The following CNGB3 variants were observed in gnomAD, a reference collection of about 807,000 sequenced individuals.
CNGB3 encodes cyclic nucleotide gated channel subunit beta 3.
A neutral mutation model predicts 92.8 loss-of-function variants in CNGB3; 86 were observed. The ratio of observed to expected loss-of-function variants is 0.93; its 90% CI spans 0.78 to 1.11. The LOEUF (loss-of-function observed/expected upper bound fraction) is 1.11, where lower values mean the gene tolerates loss of function less well. Among genes scored for constraint, CNGB3 ranks in the 50% least tolerant of loss-of-function variants. The pLI, the probability that CNGB3 is intolerant of heterozygous loss-of-function variation, is 0.00. For synonymous variants in CNGB3, 333 were observed against 332.7 expected, an observed-to-expected ratio of 1.00 and a Z score of -0.01; for missense variants, 1,026 against 956.8, an observed-to-expected ratio of 1.07 and a Z score of -0.95.
At chr8:86,623,341 G>A (rs568835080) in intron 13 of CNGB3, among the ~76,000 whole-genome samples, 1 of 152,298 alleles carries the variant, frequency 6.6e-6, no homozygotes, top group African/African-American at 2.4e-5. Context: ...CACAGACTGG[G>A]TAATTTATAA....
At chr8:86,586,457 C>G (rs4022375) in intron 15 of CNGB3, among the ~76,000 whole-genome samples, 124,649 of 143,666 alleles carry the variant, frequency 0.87, 54,293 homozygotes, top group Non-Finnish European at 0.9. Context: ...TCTAGCATTA[C>G]GTATATCTCC....
chr8:86,609,250 T>C (rs1241041205), intron 14 of CNGB3, among the ~76,000 whole-genome samples: 1 of 152,232 alleles, frequency 6.6e-6, no homozygotes, highest in Non-Finnish European at 1.5e-5. Context: ...CTGTTGCTAC[T>C]GGCCCCAAAT....
chr8:86,647,070 T>C (rs1823303118), intron 8 of CNGB3, among the ~76,000 whole-genome samples: 2 of 151,156 alleles, frequency 1.3e-5, no homozygotes, highest in Admixed American at 1.3e-4. Flanking sequence ...TTTTTCCTTT[T>C]CTGTTATACA....
At chr8:86,648,024 ACT>A (rs972738506) in intron 7 of CNGB3, 137 bp from the exon 8 acceptor site, 2 of 708,724 alleles carry the variant, frequency 2.8e-6, no homozygotes, top group African/African-American at 3.5e-5. Flanking sequence ...CTTTCAATTA[ACT>A]ATGCATGGGG....
intron 2 of CNGB3, among the ~76,000 whole-genome samples, chr8:86,738,712 A>C (rs1160588839): frequency 6.6e-6 from 1 of 151,976 alleles, no homozygotes; most frequent in Non-Finnish European, 1.5e-5. Context: ...GGTGGTGTGC[A>C]CCTGTAGTCC....
At chr8:86,605,790 G>T (rs1422371960) in intron 14 of CNGB3, among the ~76,000 whole-genome samples, 1 of 152,122 alleles carries the variant, frequency 6.6e-6, no homozygotes, top group Non-Finnish European at 1.5e-5. Context: ...AGATTCTAAA[G>T]TCTTTCCTTA....
intron 11 of CNGB3, among the ~76,000 whole-genome samples, chr8:86,632,198 C>CAA (rs71275869): frequency 0.074 from 5,201 of 70,150 alleles, 204 homozygotes; most frequent in African/African-American, 0.11. Context: ...GACCCTGTCT[C>CAA]AAAAAAAAAA....
At chr8:86,646,017 T>A (rs565327454) in intron 8 of CNGB3, among the ~76,000 whole-genome samples, 2 of 151,266 alleles carry the variant, frequency 1.3e-5, no homozygotes, top group African/African-American at 4.8e-5. Context: ...TATTTAAACA[T>A]CTAATGGATA....
At chr8:86,672,031 A>G (rs1390810121) in intron 3 of CNGB3, among the ~76,000 whole-genome samples, 1 of 152,176 alleles carries the variant, frequency 6.6e-6, no homozygotes, top group African/African-American at 2.4e-5. Context: ...TCACTTAAGT[A>G]TGTGGTAATT....
rs75557431 is a variant in CNGB3, at chr8:86,676,491, T to C, written c.339-5393A>G. The stretch of plus-strand genomic sequence containing the variant: ...GTCAGTTGAGGTTGATGGGGAACCA[T>C]GGCAGAATTCTAAGCAGAAGAGGGA... On this transcript the variant is annotated intron_variant, in intron 3 of 17. Transcript: ENST00000320005. Among the ~76,000 whole-genome samples, 738 of 152,266 alleles carry C rather than the reference T, an allele frequency of 4.8e-3. 7 individuals carry two copies. Among genetic ancestry groups the C allele is most frequent in the African/African-American group, 0.017 (702 of 41,556 alleles).
At chr8:86,607,788 C>A (rs1193528123) in intron 14 of CNGB3, among the ~76,000 whole-genome samples, 1 of 152,170 alleles carries the variant, frequency 6.6e-6, no homozygotes, top group Non-Finnish European at 1.5e-5. Flanking sequence ...AGTAGGTCAG[C>A]AAACTTGGCC....
At position 86,584,776 on chromosome 8, in the gene CNGB3, G is replaced by T. The variant is rs1821861016; in HGVS notation, c.1782-5524C>A. Among the ~76,000 whole-genome samples the T allele has an allele frequency of 2.0e-5, 3 of 152,078 alleles. No individual in the cohort carries two copies. The South Asian group carries it at 6.2e-4, about 32-fold the overall frequency. ...CAATGGACCAGGAAACAAAGAAATG[G>T]TTCTAATCCTAGAGCCACCTCTATT... On this transcript the variant is annotated intron_variant, in intron 15 of 17. Coordinates refer to ENST00000320005, the MANE Select transcript of CNGB3 (RefSeq NM_019098.5).
intron 15 of CNGB3, chr8:86,594,480 G>T (rs1029393659): frequency 1.0e-5 from 3 of 294,140 alleles, no homozygotes; most frequent in Admixed American, 9.0e-5. Flanking sequence ...TGGTCCAGGA[G>T]GGGACCCGAC....
rs908702551 is a variant in CNGB3, at chr8:86,629,160, A to T, written c.1321-82T>A. 1.6e-5 allele frequency: 23 copies of T among 1,425,748 alleles called. No homozygotes were observed. The Admixed American group carries it at 3.2e-4, about 20-fold the overall frequency. The allele number at this position is 1,425,748 out of a possible 1,614,324, so 88.3% of individuals were successfully genotyped here. Reference sequence around the variant, plus strand: ...TCAAATTACATGTTTTCCACATGATATACTTCCTTCTAATGCCCTGATTAC... The same window carrying T: ...TCAAATTACATGTTTTCCACATGATTTACTTCCTTCTAATGCCCTGATTAC... On this transcript the variant is annotated intron_variant, in intron 11 of 17. Transcript: ENST00000320005.
At chr8:86,707,800 G>A (rs147116751) in intron 3 of CNGB3, 1 of 152,374 alleles carries the variant, frequency 6.6e-6, no homozygotes, top group South Asian at 2.1e-4. Context: ...GATGAACTAG[G>A]AGAGTAGCAG....
At chr8:86,621,455 T>A (rs1185092368) in intron 13 of CNGB3, among the ~76,000 whole-genome samples, 2 of 152,324 alleles carry the variant, frequency 1.3e-5, no homozygotes, top group East Asian at 1.9e-4. Context: ...GTTTTTAAAA[T>A]TTTTTATTTA....
chr8:86,615,589 T>TGA (rs1386725501), intron 13 of CNGB3, among the ~76,000 whole-genome samples: 2 of 151,896 alleles, frequency 1.3e-5, no homozygotes, highest in East Asian at 3.9e-4. Flanking sequence ...GGTGACAGAG[T>TGA]GAGACCCTGT....
intron 13 of CNGB3, among the ~76,000 whole-genome samples, chr8:86,616,284 C>A (rs750677434): frequency 6.6e-6 from 1 of 152,098 alleles, no homozygotes; most frequent in African/African-American, 2.4e-5. Context: ...TAAGTTTCAC[C>A]AATTAAGTGA....
chr8:86,741,451 G>A (rs945339234), intron 1 of CNGB3, among the ~76,000 whole-genome samples: 1 of 152,122 alleles, frequency 6.6e-6, no homozygotes, highest in South Asian at 2.1e-4. Flanking sequence ...AACACCTGAG[G>A]CCGAGAGTTT....
Sources: gnomAD v4.1 joint callset for allele counts (sites outside exome capture counted in the v4.1 genomes callset) on GRCh38, gnomAD v4.1.1 for gene constraint, MANE v1.5 for transcripts, NCBI Gene and HGNC (gene_info 2026-07-23, HGNC 2026-07-21) for gene names.